The following SEMA3D variants were observed in gnomAD, a reference collection of about 807,000 sequenced individuals.
SEMA3D encodes semaphorin-3D.
A neutral mutation model predicts 100.1 loss-of-function variants in SEMA3D; 84 were observed. The ratio of observed to expected loss-of-function variants is 0.84; its 90% CI spans 0.70 to 1.01. The LOEUF (loss-of-function observed/expected upper bound fraction) is 1.01. SEMA3D is among the 50% of genes least tolerant of loss of function. The probability of loss-of-function intolerance (pLI) is 0.00; values close to 1 mark genes in which losing one functional copy is unlikely to be tolerated. For synonymous variants in SEMA3D, 312 were observed against 320.7 expected (o/e 0.97, Z 0.29); for missense variants, 875 against 934.1 (o/e 0.94, Z 0.82).
intron 1 of SEMA3D, among the ~76,000 whole-genome samples, chr7:85,178,642 A>T (rs778505565): frequency 6.6e-6 from 1 of 152,120 alleles, no homozygotes; most frequent in Non-Finnish European, 1.5e-5. Context: ...AATTTGGAAA[A>T]TTTGCCTCCT....
chr7:85,079,834 T>A, intron 5 of SEMA3D, among the ~76,000 whole-genome samples: 1 of 152,190 alleles, frequency 6.6e-6, no homozygotes. Flanking sequence ...TTAAATGACA[T>A]AATTTGAAAA....
intron 15 of SEMA3D, among the ~76,000 whole-genome samples, chr7:85,015,602 T>C (rs1265332117): frequency 6.6e-6 from 1 of 151,852 alleles, no homozygotes; most frequent in Non-Finnish European, 1.5e-5. Context: ...CATGGCTCCT[T>C]ATATAAGAGA....
chr7:85,017,078 C>A (rs568799896), intron 15 of SEMA3D, among the ~76,000 whole-genome samples: 15 of 151,848 alleles, frequency 9.9e-5, no homozygotes, highest in Admixed American at 5.3e-4. Flanking sequence ...TAATTGTACA[C>A]AAACTTATTA....
At chr7:85,031,108 C>A (rs1319888922) in intron 12 of SEMA3D, among the ~76,000 whole-genome samples, 1 of 151,900 alleles carries the variant, frequency 6.6e-6, no homozygotes, top group Non-Finnish European at 1.5e-5. Flanking sequence ...CATGGTTAAG[C>A]TAGGAGTTTA....
At chr7:85,073,420 T>TC (rs1185509005) in intron 5 of SEMA3D, among the ~76,000 whole-genome samples, 1 of 151,854 alleles carries the variant, frequency 6.6e-6, no homozygotes, top group Non-Finnish European at 1.5e-5. Flanking sequence ...TAAAATTTTC[T>TC]CTTTTTTTTT....
intron 2 of SEMA3D, among the ~76,000 whole-genome samples, chr7:85,126,528 A>C (rs1338198577): frequency 3.3e-5 from 5 of 151,864 alleles, no homozygotes; most frequent in African/African-American, 1.2e-4. Context: ...ATATAAGGTC[A>C]CTTGAGAATG....
intron 2 of SEMA3D, among the ~76,000 whole-genome samples, chr7:85,134,417 T>C (rs1789802934): frequency 6.6e-6 from 1 of 152,042 alleles, no homozygotes; most frequent in Non-Finnish European, 1.5e-5. Context: ...TCAAGAAATT[T>C]AGTTTTAATT....
the SEMA3D span, among the ~76,000 whole-genome samples, chr7:85,232,444 G>A: frequency 2.6e-5 from 4 of 152,244 alleles, no homozygotes; most frequent in Admixed American, 6.5e-5. Context: ...AAAGATTTCC[G>A]TAAAAAAGGT....
At chr7:85,105,143 G>A (rs1365701591) in intron 3 of SEMA3D, among the ~76,000 whole-genome samples, 2 of 151,960 alleles carry the variant, frequency 1.3e-5, no homozygotes, top group Admixed American at 6.6e-5. Context: ...AAGTAAAAAC[G>A]TTTCTCTTTA....
rs75243341 is a variant in SEMA3D at position 85,030,645 on chromosome 7, A to T, written c.1191+6244T>A. On this transcript the variant is annotated intron_variant, in intron 12 of 18. Transcript: ENST00000284136. ...AGGGAATGGTTTAAAACTGAAACTC[A>T]CTTTTGAGGAAATATTTACTAATAC... 3.4e-3 allele frequency among the ~76,000 whole-genome samples: 512 copies of T among 152,166 alleles called. 1 individual carries two copies. Among genetic ancestry groups the T allele is most frequent in the African/African-American group, 0.012 (493 of 41,546 alleles).
At chr7:85,140,158 A>C in intron 2 of SEMA3D, 2 of 426,966 alleles carry the variant, frequency 4.7e-6, no homozygotes, top group South Asian at 2.0e-4. Flanking sequence ...TACTAATATT[A>C]AAAAATTAAG....
chr7:85,117,812 C>G lies in SEMA3D; in HGVS notation c.151+3929G>C, dbSNP rs75864050. On this transcript the variant is annotated intron_variant, in intron 3 of 18. Coordinates refer to ENST00000284136, the MANE Select transcript of SEMA3D (RefSeq NM_001384900.1). ...TGTATGTATGTATGTATGTATGTAT[C>G]TATCTACCATATATATAGATACTAT... Among the ~76,000 whole-genome samples, 636 of 133,756 alleles carry G rather than the reference C, an allele frequency of 4.8e-3. 8 individuals are homozygous for G. The highest frequency in any genetic ancestry group is 0.016 in the African/African-American group (426 of 26,766). 87.7% of individuals were successfully genotyped at this position (133,756 alleles called of 152,430 possible).
At chr7:85,171,679 T>TA (rs1791086992) in intron 1 of SEMA3D, among the ~76,000 whole-genome samples, 1 of 151,956 alleles carries the variant, frequency 6.6e-6, no homozygotes, top group Non-Finnish European at 1.5e-5. Flanking sequence ...ACAAAATAAT[T>TA]AAAAATTAAT....
intron 2 of SEMA3D, among the ~76,000 whole-genome samples, chr7:85,137,710 A>C (rs1484270313): frequency 6.6e-6 from 1 of 152,106 alleles, no homozygotes; most frequent in East Asian, 1.9e-4. Context: ...TCTAATTTGA[A>C]ATATAAACTC....
chr7:85,112,618 C>G (rs1325178319), intron 3 of SEMA3D, among the ~76,000 whole-genome samples: 1 of 152,026 alleles, frequency 6.6e-6, no homozygotes, highest in Non-Finnish European at 1.5e-5. Context: ...TATTTAATAG[C>G]TTTTTGCTTT....
At position 85,097,835 on chromosome 7, in the gene SEMA3D, A is replaced by G; in HGVS notation, c.282T>C (p.Ser94=). Residue 94 remains serine (S), a synonymous_variant, in exon 4 of 19, where the codon AGT becomes AGC. Transcript: ENST00000284136. ...TAAAATTTTTGTTTAAGTCAACCAG[A>G]CTGAGTAGAAAGATGTGGTCTTTGG... ...LGAKDHIFLL[S]LVDLNKNFKK... is the part of the protein sequence containing the mutation. The G allele has an allele frequency of 4.4e-6, 7 of 1,606,182 alleles. No individual in the cohort carries two copies. Among genetic ancestry groups the G allele is most frequent in the Non-Finnish European group, 6.0e-6 (7 of 1,174,260 alleles).
chr7:85,088,664 C>T (rs1202358439), intron 4 of SEMA3D, among the ~76,000 whole-genome samples: 1 of 152,142 alleles, frequency 6.6e-6, no homozygotes, highest in African/African-American at 2.4e-5. Flanking sequence ...GTAAAGCTTG[C>T]GCAGTGGGTA....
intron 9 of SEMA3D, among the ~76,000 whole-genome samples, chr7:85,051,711 C>G (rs1005727671): frequency 6.6e-6 from 1 of 151,940 alleles, no homozygotes; most frequent in Non-Finnish European, 1.5e-5. Flanking sequence ...AGAACCACAT[C>G]AAGTTCTTCA....
Position 85,022,585 on chromosome 7 carries a change from A to C in SEMA3D, c.1220T>G (p.Ile407Ser). Residue 407 changes from isoleucine (I) to serine (S), a missense_variant, in exon 13 of 19, where the codon ATT becomes AGT. By Grantham distance (142) the Ile-to-Ser change is moderately radical. Transcript: ENST00000284136. ...TCPSKTYDPL[I>S]KSTRDFPDDV... is the part of the protein sequence containing the mutation. The stretch of plus-strand genomic sequence containing the variant: ...ATCTGGAAAATCTCGGGTGGACTTA[A>C]TCAGTGGGTCATAGGTTTTGCTTGG... The C allele has an allele frequency of 6.2e-7, 1 of 1,612,196 alleles. No homozygotes were observed. Among genetic ancestry groups the C allele is most frequent in the Non-Finnish European group, 8.5e-7 (1 of 1,178,672 alleles).
Sources: allele counts gnomAD v4.1 joint callset (sites outside exome capture counted in the v4.1 genomes callset), GRCh38; gene constraint gnomAD v4.1.1; transcripts MANE v1.5; gene names NCBI Gene and HGNC (gene_info 2026-07-23, HGNC 2026-07-21).